Variants in PCSK6 observed in about 807,000 individuals in gnomAD.
The protein encoded by PCSK6 is paired basic amino acid cleaving enzyme 4.
A neutral mutation model predicts 123.3 loss-of-function variants in PCSK6; 85 were observed. That is an observed-to-expected ratio of 0.69 (90% CI 0.58 to 0.83). PCSK6 has a LOEUF of 0.83. Ranked by LOEUF, PCSK6 falls within the 40% of genes least tolerant of loss-of-function variation. PCSK6 has a pLI of 0.00. For synonymous variants in PCSK6, 508 were observed against 516.0 expected, an observed-to-expected ratio of 0.98 and a Z score of 0.21; for missense variants, 1,191 against 1,282.3, an observed-to-expected ratio of 0.93 and a Z score of 1.09.
chr15:101,383,214 C>A (rs547915043), intron 10 of PCSK6, among the ~76,000 whole-genome samples: 1 of 152,006 alleles, frequency 6.6e-6, no homozygotes, highest in African/African-American at 2.4e-5. Context: ...CGAGACCAGC[C>A]TGGGCAACAC....
At chr15:101,429,217 T>C (rs1034171572) in intron 5 of PCSK6, among the ~76,000 whole-genome samples, 18 of 149,742 alleles carry the variant, frequency 1.2e-4, no homozygotes, top group African/African-American at 4.0e-4. Flanking sequence ...GCTCAGGGTA[T>C]GGGGCATGCT....
chr15:101,431,214 A>C (rs2056435199), intron 4 of PCSK6, 106 bp downstream of exon 4: 2 of 1,168,428 alleles, frequency 1.7e-6, no homozygotes, highest in Non-Finnish European at 2.5e-6. Flanking sequence ...TGCCTAACTT[A>C]ATGGGGGCTG....
chr15:101,481,618 G>C (rs2057886974), intron 1 of PCSK6, among the ~76,000 whole-genome samples: 1 of 152,192 alleles, frequency 6.6e-6, no homozygotes, highest in South Asian at 2.1e-4. Context: ...GCAATGCAGG[G>C]AGCCTGAGAG....
chr15:101,322,653 C>A, intron 17 of PCSK6, 46 bp from the exon 18 acceptor site: 2 of 1,258,402 alleles, frequency 1.6e-6, no homozygotes, highest in Non-Finnish European at 2.3e-6. Flanking sequence ...ACGACACTGA[C>A]AGGAATGAAA....
chr15:101,473,751 G>A (rs115210069), intron 1 of PCSK6, among the ~76,000 whole-genome samples: 3,094 of 152,272 alleles, frequency 0.02, 100 homozygotes, highest in African/African-American at 0.066. Context: ...GGTGGCGTGC[G>A]CCTGTAATCC....
At chr15:101,313,127 T>C in intron 20 of PCSK6, 1 of 1,446,146 alleles carries the variant, frequency 6.9e-7, no homozygotes, top group Non-Finnish European at 9.2e-7. Flanking sequence ...TGTGAGCACC[T>C]TGCTATTCTG....
At chr15:101,307,747 C>A in intron 20 of PCSK6, 1 of 189,902 alleles carries the variant, frequency 5.3e-6, no homozygotes, top group Non-Finnish European at 1.1e-5. Flanking sequence ...AGACTCCACC[C>A]AGGGATGTGA....
chr15:101,388,117 T>C (rs1291761025), intron 9 of PCSK6, among the ~76,000 whole-genome samples: 1 of 152,132 alleles, frequency 6.6e-6, no homozygotes, highest in African/African-American at 2.4e-5. Context: ...TGGAGGAAAA[T>C]ACAGCGCAAG....
At chr15:101,449,135 AGATGCTCAAGTCCCT>A (rs1463287887) in intron 1 of PCSK6, among the ~76,000 whole-genome samples, 1 of 152,206 alleles carries the variant, frequency 6.6e-6, no homozygotes, top group Non-Finnish European at 1.5e-5. Flanking sequence ...CAAAATCCAC[AGATGCTCAAGTCCCT>A]GATATAAAAT....
At chr15:101,306,515 T>C (rs1290467614) in intron 21 of PCSK6, among the ~76,000 whole-genome samples, 1 of 152,160 alleles carries the variant, frequency 6.6e-6, no homozygotes, top group Non-Finnish European at 1.5e-5. Flanking sequence ...GCTGTCAGAA[T>C]GTGGCTCCAC....
chr15:101,448,291 T>C (rs2056945037), intron 1 of PCSK6, among the ~76,000 whole-genome samples: 1 of 152,238 alleles, frequency 6.6e-6, no homozygotes, highest in Non-Finnish European at 1.5e-5. Flanking sequence ...CTAAATGTTC[T>C]TGACCAGAAC....
chr15:101,448,856 A>G (rs1247770054), intron 1 of PCSK6, among the ~76,000 whole-genome samples: 2 of 152,228 alleles, frequency 1.3e-5, no homozygotes, highest in Non-Finnish European at 2.9e-5. Flanking sequence ...GCATGTGTGC[A>G]CTTTCCTTCA....
intron 6 of PCSK6, among the ~76,000 whole-genome samples, chr15:101,420,222 A>C (rs544465161): frequency 2.1e-4 from 32 of 151,708 alleles, no homozygotes; most frequent in African/African-American, 7.7e-4. Context: ...AACAGGAAAG[A>C]GAAAACCATA....
intron 1 of PCSK6, among the ~76,000 whole-genome samples, chr15:101,453,461 A>C (rs778470653): frequency 1.3e-5 from 2 of 152,186 alleles, no homozygotes; most frequent in African/African-American, 2.4e-5. Context: ...GGTACCCCCG[A>C]TGCCCACAGG....
chr15:101,473,869 A>G (rs547424549), intron 1 of PCSK6, among the ~76,000 whole-genome samples: 366 of 150,354 alleles, frequency 2.4e-3, no homozygotes, highest in African/African-American at 8.6e-3. Flanking sequence ...AGTGAGACTC[A>G]TGTCTCAAAT....
rs1474290483 is a variant in PCSK6 at position 101,483,209 on chromosome 15, C to A, written c.297+6165G>T. Among the ~76,000 whole-genome samples the A allele has an allele frequency of 2.0e-5, 3 of 152,316 alleles. No homozygotes were observed. In the East Asian group the frequency reaches 5.8e-4, roughly 29 times the overall value. ...TCTTCCGGGTCTCCCCTTGTCCCTA[C>A]CAAACCCCTGACGCTGTGGCTGGAA... On this transcript the variant is annotated intron_variant, in intron 1 of 21. Coordinates refer to ENST00000611716, the MANE Select transcript of PCSK6 (RefSeq NM_002570.5).
intron 7 of PCSK6, among the ~76,000 whole-genome samples, chr15:101,393,946 T>C (rs1366392468): frequency 6.6e-6 from 1 of 152,132 alleles, no homozygotes; most frequent in Non-Finnish European, 1.5e-5. Context: ...CAAAGAGGGA[T>C]AGGACCATGA....
intron 21 of PCSK6, among the ~76,000 whole-genome samples, chr15:101,306,790 G>C (rs1567132844): frequency 6.6e-6 from 1 of 152,234 alleles, no homozygotes; most frequent in Non-Finnish European, 1.5e-5. Context: ...TGCTGAGCGT[G>C]TGCTCTACTC....
chr15:101,381,104 G>C (rs1432476089), intron 11 of PCSK6, among the ~76,000 whole-genome samples: 1 of 151,400 alleles, frequency 6.6e-6, no homozygotes, highest in East Asian at 1.9e-4. Context: ...GCTCACATCT[G>C]TAATCCAAGC....
Sources: gnomAD v4.1 joint callset for allele counts (sites outside exome capture counted in the v4.1 genomes callset) on GRCh38, gnomAD v4.1.1 for gene constraint, MANE v1.5 for transcripts, NCBI Gene and HGNC (gene_info 2026-07-23, HGNC 2026-07-21) for gene names.